The following WAPL variants were observed in gnomAD, a reference collection of about 807,000 sequenced individuals.
WAPL encodes the protein WAPL cohesin release factor.
Under a neutral mutation model 121.0 loss-of-function variants are expected in WAPL, and 5 were observed. The ratio of observed to expected loss-of-function variants is 0.04; its 90% CI spans 0.02 to 0.09. WAPL has a LOEUF of 0.09. Among genes scored for constraint, WAPL ranks in the 10% least tolerant of loss-of-function variants. The pLI is 1.00. For missense variants in WAPL, 999 were observed against 1,410.8 expected, an observed-to-expected ratio of 0.71 and a Z score of 4.68; for synonymous variants, 480 against 481.5, an observed-to-expected ratio of 1.00 and a Z score of 0.04.
intron 9 of WAPL, among the ~76,000 whole-genome samples, chr10:86,465,322 C>CA (rs574965976): frequency 8.3e-4 from 127 of 152,292 alleles, no homozygotes; most frequent in South Asian, 2.9e-3. Flanking sequence ...TCTCATGTCT[C>CA]AGACTCCCAA....
intron 2 of WAPL, among the ~76,000 whole-genome samples, chr10:86,505,603 T>G (rs1304922680): frequency 6.6e-6 from 1 of 152,060 alleles, no homozygotes; most frequent in Non-Finnish European, 1.5e-5. Context: ...CTTAAAAATT[T>G]GAATTTAAAT....
In WAPL at chr10:86,497,261, T is replaced by C. The variant is rs548623674; in HGVS notation, c.1584A>G (p.Ile528Met). 2.5e-6 allele frequency: 4 copies of C among 1,613,322 alleles called. No homozygotes were observed. In the African/African-American group the frequency reaches 5.3e-5, roughly 22 times the overall value. Reference protein sequence around the residue: ...PGVPESVKKPINKQGDKSKEN... With the variant: ...PGVPESVKKPMNKQGDKSKEN... ...CCTTTGATTTATCTCCTTGTTTATT[T>C]ATGGGCTTCTTCACACTTTCAGGCA... The change falls in exon 4 of 19, where the codon ATA becomes ATG. Residue 528 changes from isoleucine (I) to methionine (M), a missense_variant. Coordinates refer to ENST00000298767, the MANE Select transcript of WAPL (RefSeq NM_015045.5).
chr10:86,519,461 G>A (rs540199162), intron 1 of WAPL, among the ~76,000 whole-genome samples: 1 of 152,184 alleles, frequency 6.6e-6, no homozygotes, highest in South Asian at 2.1e-4. Flanking sequence ...TTTATAATGA[G>A]TCACTGTCTG....
At chr10:86,446,535 A>G in intron 15 of WAPL, 86 bp from the exon 16 acceptor site, 2 of 1,345,174 alleles carry the variant, frequency 1.5e-6, no homozygotes, top group South Asian at 2.8e-5. Flanking sequence ...AGTTGCTTTT[A>G]AATCTATCAC....
intron 8 of WAPL, among the ~76,000 whole-genome samples, chr10:86,468,311 C>A (rs1479138195): frequency 6.6e-6 from 1 of 152,122 alleles, no homozygotes; most frequent in African/African-American, 2.4e-5. Context: ...ATCCTCCCCA[C>A]CTCAGCCTCC....
chr10:86,521,636 T>C lies in WAPL; in HGVS notation c.-294A>G. On this transcript the variant is annotated 5_prime_UTR_variant, in exon 1 of 19. Coordinates refer to ENST00000298767, the MANE Select transcript of WAPL (RefSeq NM_015045.5). ...CACTGCTGGAGCTGGTAACAGAGCC[T>C]GCTGTGTGCCCCCGCTGGGCCGCCG... 1 of 461,022 alleles carries C rather than the reference T, an allele frequency of 2.2e-6. No individual in the cohort carries two copies. Among genetic ancestry groups the C allele is most frequent in the African/African-American group, 2.1e-5 (1 of 48,232 alleles). The allele number at this position is 461,022 out of a possible 1,614,324, so 28.6% of individuals were successfully genotyped here. A position where few individuals can be genotyped will look rare whatever the true frequency, so the allele number is the denominator to read the frequency against.
intron 15 of WAPL, among the ~76,000 whole-genome samples, chr10:86,449,542 T>C (rs1056976754): frequency 1.3e-5 from 2 of 152,174 alleles, no homozygotes; most frequent in Non-Finnish European, 2.9e-5. Context: ...ATACTGGAAG[T>C]GATATTCCCA....
At chr10:86,484,683 G>C (rs1029635755) in intron 4 of WAPL, among the ~76,000 whole-genome samples, 1 of 152,130 alleles carries the variant, frequency 6.6e-6, no homozygotes, top group African/African-American at 2.4e-5. Flanking sequence ...TCCATTCATG[G>C]TTAAGTGTCC....
At chr10:86,500,873 G>T in intron 2 of WAPL, 130 bp from the exon 3 acceptor site, 1 of 798,722 alleles carries the variant, frequency 1.3e-6, no homozygotes, top group Non-Finnish European at 1.9e-6. Flanking sequence ...AAGTTGTGAA[G>T]AAATTAACAT....
At chr10:86,447,850 G>A (rs944363086) in intron 15 of WAPL, among the ~76,000 whole-genome samples, 2 of 151,874 alleles carry the variant, frequency 1.3e-5, no homozygotes, top group African/African-American at 4.8e-5. Flanking sequence ...AGGAGTTGGC[G>A]ACTAGCCCGG....
In WAPL at chr10:86,436,443, TATG is replaced by T. The variant is rs750456270; in HGVS notation, c.*1097_*1099del. Reference sequence around the variant, plus strand: ...ATAATACAAGAAAAATTTGCAATGTTATGATATTAAATCTATAAAATGTTTTGT... The same window carrying T: ...ATAATACAAGAAAAATTTGCAATGTTATATTAAATCTATAAAATGTTTTGT... On this transcript the variant is annotated 3_prime_UTR_variant, in exon 19 of 19. Coordinates refer to ENST00000298767, the MANE Select transcript of WAPL (RefSeq NM_015045.5). 1.4e-3 allele frequency: 214 copies of T among 152,762 alleles called. No homozygotes were observed. Among genetic ancestry groups the T allele is most frequent in the Admixed American group, 2.2e-3 (34 of 15,308 alleles). 9.5% of individuals were successfully genotyped at this position (152,762 alleles called of 1,614,324 possible).
intron 2 of WAPL, among the ~76,000 whole-genome samples, chr10:86,504,066 TG>T (rs571977243): frequency 6.6e-5 from 10 of 151,646 alleles, no homozygotes; most frequent in Non-Finnish European, 1.5e-4. Flanking sequence ...CCTCGCTACT[TG>T]GGAGGCTGAG....
intron 4 of WAPL, among the ~76,000 whole-genome samples, chr10:86,477,395 T>C (rs1041003256): frequency 2.6e-5 from 4 of 152,230 alleles, no homozygotes; most frequent in South Asian, 2.1e-4. Flanking sequence ...CAACTTTCCA[T>C]GGAAAATCAA....
In WAPL at chr10:86,500,375, G is replaced by A. The variant is rs1341559785; in HGVS notation, c.868C>T (p.Pro290Ser). The change falls in exon 3 of 19, where the codon CCA becomes TCA. Residue 290 changes from proline (P) to serine (S), a missense_variant. Around this residue, in one of 7 missense-constraint regions of WAPL, gnomAD observed 531 missense variants for 563.1 expected, o/e 0.94. Transcript: ENST00000298767. ...EEDIVQSVLR[P>S]TNCRTYCRAN... ...CTACAGTACGTCCTACAGTTGGTTG[G>A]CCTAAGAACACTTTGTACAATATCT... 6.2e-7 allele frequency: 1 copy of A among 1,614,156 alleles called. No individual in the cohort carries two copies. Among genetic ancestry groups the A allele is most frequent in the Non-Finnish European group, 8.5e-7 (1 of 1,180,038 alleles).
At chr10:86,512,608 A>G (rs796115786) in intron 2 of WAPL, among the ~76,000 whole-genome samples, 1 of 152,242 alleles carries the variant, frequency 6.6e-6, no homozygotes, top group South Asian at 2.1e-4. Context: ...TCCTGCTAAC[A>G]GTCATTTTTA....
chr10:86,503,684 C>T (rs149050997), intron 2 of WAPL, among the ~76,000 whole-genome samples: 11,343 of 151,474 alleles, frequency 0.075, 458 homozygotes, highest in Middle Eastern at 0.13. Context: ...ACCCGGAAGG[C>T]GGAGCTTGCA....
intron 9 of WAPL, among the ~76,000 whole-genome samples, chr10:86,462,479 G>T (rs1442788022): frequency 6.6e-6 from 1 of 152,028 alleles, no homozygotes; most frequent in South Asian, 2.1e-4. Flanking sequence ...CAGCACTTTG[G>T]GAGGCCGAGG....
chr10:86,496,274 C>CA (rs1564582900), intron 4 of WAPL, among the ~76,000 whole-genome samples: 2 of 152,096 alleles, frequency 1.3e-5, no homozygotes, highest in Non-Finnish European at 1.5e-5. Flanking sequence ...AGGCTATTAT[C>CA]AAAAAACAGA....
chr10:86,492,093 G>A (rs1006744032), intron 4 of WAPL, among the ~76,000 whole-genome samples: 3 of 152,246 alleles, frequency 2.0e-5, no homozygotes, highest in East Asian at 1.9e-4. Context: ...AATTTGACAC[G>A]TTAAGTGAGA....
Sources: allele counts gnomAD v4.1 joint callset (sites outside exome capture counted in the v4.1 genomes callset), GRCh38; gene constraint gnomAD v4.1.1; regional missense constraint gnomAD v4.1.1; transcripts MANE v1.5; gene names NCBI Gene and HGNC (gene_info 2026-07-23, HGNC 2026-07-21).